TBC1D14: variants seen among roughly 807,000 people sequenced by gnomAD.
The protein encoded by TBC1D14 is TBC1 domain family member 14.
In TBC1D14, 26 loss-of-function variants were observed where a neutral mutation model predicts 79.0. The observed-to-expected ratio is 0.33, with a 90% CI of 0.24 to 0.46. The LOEUF is 0.46. Among genes scored for constraint, TBC1D14 ranks in the 20% least tolerant of loss-of-function variants. The pLI is 1.00. For synonymous variants in TBC1D14, 394 were observed against 349.9 expected, an observed-to-expected ratio of 1.13 and a Z score of -1.40; for missense variants, 769 against 887.6, an observed-to-expected ratio of 0.87 and a Z score of 1.70.
At chr4:7,030,104 G>A (rs1202095138) in intron 13 of TBC1D14, among the ~76,000 whole-genome samples, 1 of 152,190 alleles carries the variant, frequency 6.6e-6, no homozygotes, top group Admixed American at 6.5e-5. Context: ...GTGGCCGGCT[G>A]GAAGGAGTGC....
At chr4:6,917,934 G>A (rs10804990) in intron 1 of TBC1D14, among the ~76,000 whole-genome samples, 82,729 of 151,978 alleles carry the variant, frequency 0.54, 23,694 homozygotes, top group South Asian at 0.74. Flanking sequence ...TTGGTTTTAC[G>A]GTATGTTGCA....
At chr4:6,935,703 G>T (rs143329915) in intron 2 of TBC1D14, among the ~76,000 whole-genome samples, 75 of 151,814 alleles carry the variant, frequency 4.9e-4, no homozygotes, top group Non-Finnish European at 8.4e-4. Context: ...GAGTGCAGTG[G>T]TGTGATCTCG....
chr4:7,009,225 C>G (rs1010563288), intron 9 of TBC1D14, among the ~76,000 whole-genome samples: 4 of 152,244 alleles, frequency 2.6e-5, no homozygotes, highest in Non-Finnish European at 5.9e-5. Context: ...TATCTTCTCA[C>G]ATGCTAACTT....
intron 2 of TBC1D14, among the ~76,000 whole-genome samples, chr4:6,934,742 C>CGTGAGGG (rs1043747944): frequency 2.6e-5 from 4 of 152,038 alleles, no homozygotes; most frequent in African/African-American, 9.6e-5. Flanking sequence ...GAGCTGTTTT[C>CGTGAGGG]GTGAAGTGGT....
chr4:6,994,751 T>C (rs1294855244), intron 4 of TBC1D14, among the ~76,000 whole-genome samples: 2 of 151,422 alleles, frequency 1.3e-5, no homozygotes, highest in African/African-American at 2.4e-5. Flanking sequence ...TCCTAGCTAC[T>C]CAGGAGGCTG....
intron 2 of TBC1D14, among the ~76,000 whole-genome samples, chr4:6,945,569 A>G (rs2108987935): frequency 6.6e-6 from 1 of 152,056 alleles, no homozygotes; most frequent in African/African-American, 2.4e-5. Context: ...ACCAACATGG[A>G]GAAACCCCGT....
rs964337870 is a variant in TBC1D14, at chr4:7,025,354, G to C, written c.2016+92G>C. The C allele has an allele frequency of 1.4e-5, 21 of 1,547,676 alleles. No homozygotes were observed. The East Asian group carries it at 4.5e-4, about 33-fold the overall frequency. The stretch of plus-strand genomic sequence containing the variant: ...CCTACGTAAAGTGCTGTCTGAGGAC[G>C]TAGCCCCTTTGATGGAGTCCCTGGG... On this transcript the variant is annotated intron_variant, in intron 13 of 13. Transcript: ENST00000409757.
chr4:6,989,381 G>A (rs1421405655), intron 3 of TBC1D14, among the ~76,000 whole-genome samples: 1 of 152,134 alleles, frequency 6.6e-6, no homozygotes, highest in South Asian at 2.1e-4. Context: ...TCAAATCCTG[G>A]TGCTAGCCTG....
At chr4:6,955,467 C>CAGGCACCTGATAGTGCCCTGCACCAGGT (rs1714540726) in intron 2 of TBC1D14, among the ~76,000 whole-genome samples, 1 of 152,154 alleles carries the variant, frequency 6.6e-6, no homozygotes, top group African/African-American at 2.4e-5. Context: ...CAGCACTAGG[C>CAGGCACCTGATAGTGCCCTGCACCAGGT]AGGCACCTGA....
At chr4:7,010,608 C>T (rs773042836) in intron 10 of TBC1D14, 45 bp from the exon 11 acceptor site, 2 of 1,598,342 alleles carry the variant, frequency 1.3e-6, no homozygotes, top group South Asian at 1.1e-5. Context: ...CTACGGTGAC[C>T]CTGTGGCCAC....
At chr4:6,981,645 A>G (rs1354460470) in intron 3 of TBC1D14, among the ~76,000 whole-genome samples, 2 of 152,280 alleles carry the variant, frequency 1.3e-5, no homozygotes, top group African/African-American at 4.8e-5. Context: ...TAACAAATTG[A>G]ATCCCATAAT....
intron 12 of TBC1D14, among the ~76,000 whole-genome samples, chr4:7,020,841 C>T (rs1378095425): frequency 1.3e-5 from 2 of 152,232 alleles, no homozygotes; most frequent in East Asian, 3.8e-4. Flanking sequence ...GGTGGAATTA[C>T]AGGCACATGC....
At chr4:6,998,531 GTTCT>G in intron 5 of TBC1D14, among the ~76,000 whole-genome samples, 1 of 150,560 alleles carries the variant, frequency 6.6e-6, no homozygotes, top group Non-Finnish European at 1.5e-5. Flanking sequence ...TAACAATTGT[GTTCT>G]TTTTTTCTTT....
At chr4:6,929,856 C>A (rs1397968304) in intron 2 of TBC1D14, among the ~76,000 whole-genome samples, 1 of 152,166 alleles carries the variant, frequency 6.6e-6, no homozygotes, top group African/African-American at 2.4e-5. Flanking sequence ...CTGGGCCAGG[C>A]ACTTCTGTCG....
intron 5 of TBC1D14, 115 bp from the exon 6 acceptor site, chr4:6,998,970 C>T: frequency 1.1e-6 from 1 of 896,928 alleles, no homozygotes; most frequent in Admixed American, 2.1e-5. Flanking sequence ...CTGATGCTCG[C>T]TCTGCTTCAG....
intron 1 of TBC1D14, among the ~76,000 whole-genome samples, chr4:6,921,767 G>A (rs1723883553): frequency 6.7e-6 from 1 of 149,854 alleles, no homozygotes; most frequent in Non-Finnish European, 1.5e-5. Flanking sequence ...CATGATCTCG[G>A]CTCACTGCAA....
In TBC1D14 at chr4:7,031,498, T is replaced by A. The variant is rs1723038259; in HGVS notation, c.*1106T>A. 1 of 152,262 alleles carries A rather than the reference T, an allele frequency of 6.6e-6. No individual in the cohort carries two copies. Among genetic ancestry groups the A allele is most frequent in the Admixed American group, 6.5e-5 (1 of 15,286 alleles). 9.4% of individuals were successfully genotyped at this position (152,262 alleles called of 1,614,324 possible). ...CATACTGGACCATCAGCCTCCCCAT[T>A]TTAGCTGACTTTCCCAGGGTCGTTG... On this transcript the variant is annotated 3_prime_UTR_variant, in exon 14 of 14. Transcript: ENST00000409757.
At chr4:6,956,859 G>A (rs1342375646) in intron 2 of TBC1D14, among the ~76,000 whole-genome samples, 1 of 152,258 alleles carries the variant, frequency 6.6e-6, no homozygotes, top group East Asian at 1.9e-4. Flanking sequence ...GAGAGCCGCG[G>A]TTCCTCACCG....
At chr4:6,923,060 G>T (rs1334600241) in intron 1 of TBC1D14, among the ~76,000 whole-genome samples, 1 of 152,212 alleles carries the variant, frequency 6.6e-6, no homozygotes, top group African/African-American at 2.4e-5. Flanking sequence ...AATTAGCTGG[G>T]CGTGGAAGCG....
Sources: allele counts gnomAD v4.1 joint callset (sites outside exome capture counted in the v4.1 genomes callset), GRCh38; gene constraint gnomAD v4.1.1; transcripts MANE v1.5; gene names NCBI Gene and HGNC (gene_info 2026-07-23, HGNC 2026-07-21).